Variants in SAE1 observed in about 807,000 individuals in gnomAD.
The protein encoded by SAE1 is SUMO1 activating enzyme subunit 1, also known as SUMO-activating enzyme subunit 1.
SAE1 carries 11 observed loss-of-function variants against 40.6 expected under a neutral mutation model. That is an observed-to-expected ratio of 0.27 (90% CI 0.17 to 0.45). The LOEUF (loss-of-function observed/expected upper bound fraction) is 0.45, where lower values mean the gene tolerates loss of function less well. SAE1 is among the 20% of genes least tolerant of loss of function. SAE1 has a pLI of 1.00. For synonymous variants in SAE1, 155 were observed against 154.3 expected, an observed-to-expected ratio of 1.00 and a Z score of -0.03; for missense variants, 373 against 427.3, an observed-to-expected ratio of 0.87 and a Z score of 1.12.
chr19:47,191,328 A>G (rs1281904591), intron 6 of SAE1, among the ~76,000 whole-genome samples: 1 of 152,184 alleles, frequency 6.6e-6, no homozygotes, highest in Non-Finnish European at 1.5e-5. Flanking sequence ...TCAAAAAAAA[A>G]GAAGAAAAAC....
rs760127440 is a variant in SAE1, at chr19:47,152,921, G to C, written c.408G>C (p.Arg136Ser). The change falls in exon 4 of 9, where the codon AGG becomes AGC. Residue 136 changes from arginine (R) to serine (S), a missense_variant. Around this residue, in one of 3 missense-constraint regions of SAE1, gnomAD observed 351 missense variants for 390.6 expected, o/e 0.90. Transcript: ENST00000270225. ...AGGTGTGTCTGACTTGCTGCTCCAG[G>C]GATGTCATAGTTAAAGTTGACCAGA... ...FDAVCLTCCS[R>S]DVIVKVDQIC... 1 of 1,611,792 alleles carries C rather than the reference G, an allele frequency of 6.2e-7. No homozygotes were observed. The highest frequency in any genetic ancestry group is 1.1e-5 in the South Asian group (1 of 90,852).
At chr19:47,159,582 G>A (rs2058345851) in intron 5 of SAE1, among the ~76,000 whole-genome samples, 1 of 150,170 alleles carries the variant, frequency 6.7e-6, no homozygotes. Context: ...AGCAGGGTCT[G>A]ACTACTCTGT....
chr19:47,132,694 C>A (rs1227860878), intron 1 of SAE1, among the ~76,000 whole-genome samples: 1 of 151,826 alleles, frequency 6.6e-6, no homozygotes, highest in African/African-American at 2.4e-5. Flanking sequence ...TGAGACTAGC[C>A]TGGGTAATGT....
At position 47,181,107 on chromosome 19, in the gene SAE1, G is replaced by A. The variant is rs140423012; in HGVS notation, c.733+11184G>A. On this transcript the variant is annotated intron_variant, in intron 6 of 8. Transcript: ENST00000270225. The stretch of plus-strand genomic sequence containing the variant: ...CGAGGCAGGTGGATCACCTGAGGTC[G>A]GGAGTTCGAGACCAGCCTGCCCAAC... Among the ~76,000 whole-genome samples, 368 of 152,000 alleles carry A rather than the reference G, an allele frequency of 2.4e-3. 3 individuals carry two copies. Among genetic ancestry groups the A allele is most frequent in the African/African-American group, 8.4e-3 (348 of 41,448 alleles).
intron 5 of SAE1, among the ~76,000 whole-genome samples, chr19:47,168,632 C>T (rs949187063): frequency 2.0e-5 from 3 of 151,982 alleles, no homozygotes; most frequent in African/African-American, 7.3e-5. Flanking sequence ...GACAGAGTTT[C>T]GCTCTTGTTG....
At position 47,203,795 on chromosome 19, in the gene SAE1, G is replaced by C. The variant is rs368887138; in HGVS notation, c.948+55G>C. 6.8e-6 allele frequency: 10 copies of C among 1,462,044 alleles called. No homozygotes were observed. In the African/African-American group the frequency reaches 1.4e-4, roughly 20 times the overall value. 90.6% of individuals were successfully genotyped at this position (1,462,044 alleles called of 1,614,324 possible). ...TTAACCATGACTTTGTATATGTGCT[G>C]ACAGAGAGAATGGAAACTGTCTTAG... On this transcript the variant is annotated intron_variant, in intron 8 of 8. Transcript: ENST00000270225.
chr19:47,189,724 C>T (rs182190594), intron 6 of SAE1, among the ~76,000 whole-genome samples: 8 of 152,132 alleles, frequency 5.3e-5, no homozygotes, highest in African/African-American at 1.7e-4. Flanking sequence ...CCCTGCCCCC[C>T]ACAATTGAAC....
intron 1 of SAE1, among the ~76,000 whole-genome samples, chr19:47,143,108 G>T (rs576601326): frequency 6.6e-6 from 1 of 151,722 alleles, no homozygotes; most frequent in African/African-American, 2.4e-5. Context: ...GAACCAAAAT[G>T]ATTTTTTTTT....
intron 6 of SAE1, among the ~76,000 whole-genome samples, chr19:47,189,431 C>T (rs926707011): frequency 9.9e-5 from 15 of 152,072 alleles, no homozygotes; most frequent in African/African-American, 2.7e-4. Context: ...CGTAGTGGTG[C>T]GTGCCTGTAA....
At chr19:47,159,394 G>A (rs1284919029) in intron 5 of SAE1, among the ~76,000 whole-genome samples, 2 of 151,964 alleles carry the variant, frequency 1.3e-5, no homozygotes, top group Admixed American at 6.6e-5. Flanking sequence ...CTGTCTCCCC[G>A]CTTCCATTTT....
intron 6 of SAE1, among the ~76,000 whole-genome samples, chr19:47,176,876 G>A (rs1230290889): frequency 6.6e-6 from 1 of 152,168 alleles, no homozygotes; most frequent in Admixed American, 6.6e-5. Flanking sequence ...AACAGTAAGC[G>A]TGAGCTGGTT....
chr19:47,166,802 C>T (rs1171492131), intron 5 of SAE1, among the ~76,000 whole-genome samples: 1 of 152,010 alleles, frequency 6.6e-6, no homozygotes, highest in Non-Finnish European at 1.5e-5. Context: ...GTCACCAGGC[C>T]GACTTCATGA....
intron 5 of SAE1, among the ~76,000 whole-genome samples, chr19:47,157,992 G>A (rs188742635): frequency 2.0e-5 from 3 of 151,558 alleles, no homozygotes; most frequent in East Asian, 2.0e-4. Flanking sequence ...GTGATTTCAA[G>A]GTTCTCTTCC....
At chr19:47,168,318 TTCTC>T (rs964495267) in intron 5 of SAE1, among the ~76,000 whole-genome samples, 12 of 152,016 alleles carry the variant, frequency 7.9e-5, no homozygotes, top group Admixed American at 1.3e-4. Flanking sequence ...CTGTATTTTT[TTCTC>T]TCTCTCTCTG....
chr19:47,135,904 C>T (rs532287099), intron 1 of SAE1, among the ~76,000 whole-genome samples: 5 of 151,666 alleles, frequency 3.3e-5, no homozygotes, highest in Non-Finnish European at 7.4e-5. Flanking sequence ...CCCAGGTTCA[C>T]GCCATTCTCC....
rs372214244 is a variant in SAE1, at chr19:47,184,019, A to AT, written c.734-13205dup. ...CACATTATTTCCCTGTGACTTTTAGATTTTTTTTTCCTTTTTGTAAATTAG... is the reference window on the plus strand; with the variant it reads ...CACATTATTTCCCTGTGACTTTTAGATTTTTTTTTTCCTTTTTGTAAATTAG... On this transcript the variant is annotated intron_variant, in intron 6 of 8. Coordinates refer to ENST00000270225, the MANE Select transcript of SAE1 (RefSeq NM_005500.3). Among the ~76,000 whole-genome samples the AT allele has an allele frequency of 8.6e-5, 13 of 151,410 alleles. 1 individual carries two copies. The highest frequency in any genetic ancestry group is 5.3e-4 in the Admixed American group (8 of 15,166).
intron 5 of SAE1, among the ~76,000 whole-genome samples, chr19:47,166,128 C>G (rs1307841241): frequency 3.9e-5 from 6 of 152,186 alleles, no homozygotes; most frequent in Non-Finnish European, 5.9e-5. Flanking sequence ...CCTGTTCTGC[C>G]TGTGCAGTGC....
At chr19:47,148,954 C>T (rs186290) in intron 2 of SAE1, among the ~76,000 whole-genome samples, 6 of 151,770 alleles carry the variant, frequency 4.0e-5, no homozygotes, top group Non-Finnish European at 8.8e-5. Context: ...TTCAAGCATT[C>T]TTAATTGTGT....
At chr19:47,170,170 T>C (rs774465944) in intron 6 of SAE1, among the ~76,000 whole-genome samples, 3 of 152,226 alleles carry the variant, frequency 2.0e-5, no homozygotes, top group Non-Finnish European at 2.9e-5. Flanking sequence ...GTTGACCTTA[T>C]GGTAATAGTG....
Sources: gnomAD v4.1 joint callset for allele counts (sites outside exome capture counted in the v4.1 genomes callset) on GRCh38, gnomAD v4.1.1 for gene constraint, gnomAD v4.1.1 regional missense constraint, MANE v1.5 for transcripts, NCBI Gene and HGNC (gene_info 2026-07-23, HGNC 2026-07-21) for gene names.